Variants in CASC3 observed in about 807,000 individuals in gnomAD.
CASC3 encodes the protein CASC3 exon junction complex subunit, also known as protein CASC3.
A neutral mutation model predicts 80.5 loss-of-function variants in CASC3; 30 were observed. The ratio of observed to expected loss-of-function variants is 0.37; its 90% confidence interval spans 0.28 to 0.51. The LOEUF is 0.51. Among genes scored for constraint, CASC3 ranks in the 20% least tolerant of loss-of-function variants. The probability of loss-of-function intolerance (pLI) is 0.94; values close to 1 mark genes in which losing one functional copy is unlikely to be tolerated. For missense variants in CASC3, 824 were observed against 922.2 expected, an observed-to-expected ratio of 0.89 and a Z score of 1.38; for synonymous variants, 312 against 333.6, an observed-to-expected ratio of 0.94 and a Z score of 0.70.
intron 3 of CASC3, among the ~76,000 whole-genome samples, chr17:40,143,096 A>AT (rs1468986301): frequency 1.3e-5 from 2 of 151,298 alleles, no homozygotes; most frequent in Non-Finnish European, 2.9e-5. Flanking sequence ...CAAAAAAAAA[A>AT]AAATAAATAA....
Position 40,167,923 on chromosome 17 carries a change from G to C in CASC3, c.1725G>C (p.Gln575His). The stretch of plus-strand genomic sequence containing the variant: ...TGCCTCCACAGGGCATGCTTGTGCA[G>C]CCAGGAATGAACCTTCCCCACCCAG... Reference protein sequence around the residue: ...APLPPQGMLVQPGMNLPHPGL... With the variant: ...APLPPQGMLVHPGMNLPHPGL... Residue 575 changes from glutamine (Q) to histidine (H), a missense_variant, in exon 10 of 14, where the codon CAG becomes CAC. Physicochemically the swap from Gln to His is conservative, Grantham distance 24. Around this residue, in one of 3 missense-constraint regions of CASC3, gnomAD observed 464 missense variants for 506.0 expected, o/e 0.92. Coordinates refer to ENST00000264645, the MANE Select transcript of CASC3 (RefSeq NM_007359.5). The C allele has an allele frequency of 6.2e-7, 1 of 1,614,130 alleles. No individual in the cohort carries two copies. Among genetic ancestry groups the C allele is most frequent in the South Asian group, 1.1e-5 (1 of 91,086 alleles).
chr17:40,163,454 A>G, intron 6 of CASC3, 27 bp from the exon 7 acceptor site: 1 of 1,580,442 alleles, frequency 6.3e-7, no homozygotes, highest in Non-Finnish European at 8.6e-7. Flanking sequence ...TAATTTCCTA[A>G]CAGTTTCTTC....
At chr17:40,167,255 G>T (rs932960661) in intron 8 of CASC3, 4 of 554,752 alleles carry the variant, frequency 7.2e-6, no homozygotes, top group Non-Finnish European at 1.3e-5. Context: ...CACCACGCCC[G>T]GCCAAGATAA....
At chr17:40,166,408 C>T (rs1394856445) in intron 7 of CASC3, among the ~76,000 whole-genome samples, 1 of 152,230 alleles carries the variant, frequency 6.6e-6, no homozygotes, top group Non-Finnish European at 1.5e-5. Context: ...ATTTACAAAG[C>T]ATCCCTCCCT....
chr17:40,152,090 C>T (rs9909777), intron 3 of CASC3, among the ~76,000 whole-genome samples: 12,749 of 152,112 alleles, frequency 0.084, 1,267 homozygotes, highest in African/African-American at 0.24. Context: ...ATGAGAACAC[C>T]GAAGAGCTAC....
rs1226223976 is a variant in CASC3 at position 40,170,781 on chromosome 17, G to A, written c.*376G>A. On this transcript the variant is annotated 3_prime_UTR_variant, in exon 14 of 14. Transcript: ENST00000264645. ...AAGGAAGCTCCTTCCTGTTTGTTTTGTTTTCTAAGATGTTCATTTTTAAAG... is the reference window on the plus strand; with the variant it reads ...AAGGAAGCTCCTTCCTGTTTGTTTTATTTTCTAAGATGTTCATTTTTAAAG... 2.0e-6 allele frequency: 2 copies of A among 985,156 alleles called. No homozygotes were observed. The highest frequency in any genetic ancestry group is 2.4e-6 in the Non-Finnish European group (2 of 829,788). The allele number at this position is 985,156 out of a possible 1,614,324, so 61.0% of individuals were successfully genotyped here.
Position 40,169,311 on chromosome 17 carries a change from T to C in CASC3, c.1966-13T>C. ...TTCCTAACTTTTTCTTCTCCTGGCT[T>C]GTGGGGTCCCAGGCCCCATCACAGG... is the stretch of plus-strand genomic sequence containing the variant. On this transcript the variant is annotated splice_polypyrimidine_tract_variant and intron_variant, in intron 11 of 13. Coordinates refer to ENST00000264645, the MANE Select transcript of CASC3 (RefSeq NM_007359.5). 6.5e-7 allele frequency: 1 copy of C among 1,538,840 alleles called. No individual in the cohort carries two copies. The highest frequency in any genetic ancestry group is 1.2e-5 in the South Asian group (1 of 81,138).
At chr17:40,157,200 C>T (rs1989169104) in intron 3 of CASC3, among the ~76,000 whole-genome samples, 1 of 151,702 alleles carries the variant, frequency 6.6e-6, no homozygotes, top group African/African-American at 2.4e-5. Context: ...AAAAAATTAG[C>T]CAGGTTTGGT....
chr17:40,163,911 C>G lies in CASC3; in HGVS notation c.1216C>G (p.Arg406Gly), dbSNP rs777883693. 1 of 1,613,900 alleles carries G rather than the reference C, an allele frequency of 6.2e-7. No individual in the cohort carries two copies. The highest frequency in any genetic ancestry group is 1.1e-5 in the South Asian group (1 of 91,082). ...GCCCATTGAGAAGAAATCCTATTCC[C>G]GGGCAAGAAGAACTCGAACCAAAGT... ...DRPIEKKSYS[R>G]ARRTRTKVGD... Residue 406 changes from arginine (R) to glycine (G), a missense_variant, in exon 7 of 14, where the codon CGG becomes GGG. Physicochemically the swap from Arg to Gly is moderately radical, Grantham distance 125. This residue lies in a region of CASC3 where 464 missense variants were observed against 506.0 expected (regional missense o/e 0.92). Coordinates refer to ENST00000264645, the MANE Select transcript of CASC3 (RefSeq NM_007359.5).
chr17:40,163,427 G>C, intron 6 of CASC3, 54 bp from the exon 7 acceptor site: 1 of 1,501,222 alleles, frequency 6.7e-7, no homozygotes, highest in African/African-American at 1.4e-5. Flanking sequence ...GAGCCACCGC[G>C]CGTAGCCTCC....
chr17:40,142,672 A>G lies in CASC3; in HGVS notation c.297+1065A>G, dbSNP rs138588320. 1.6e-4 allele frequency among the ~76,000 whole-genome samples: 24 copies of G among 152,152 alleles called. No individual in the cohort carries two copies. The East Asian group carries it at 4.4e-3, about 28-fold the overall frequency. Reference sequence around the variant, plus strand: ...GTGAGGCCCAGGCGGGCGGATCACGAGGTCAGGAGATCGAAACCGTCCTGG... The same window carrying G: ...GTGAGGCCCAGGCGGGCGGATCACGGGGTCAGGAGATCGAAACCGTCCTGG... On this transcript the variant is annotated intron_variant, in intron 3 of 13. Transcript: ENST00000264645.
chr17:40,141,438 G>A lies in CASC3; in HGVS notation c.260-132G>A, dbSNP rs1267145722. 1.3e-5 allele frequency: 11 copies of A among 868,926 alleles called. No individual in the cohort carries two copies. The East Asian group carries it at 2.7e-4, about 21-fold the overall frequency. The allele number at this position is 868,926 out of a possible 1,614,324, so 53.8% of individuals were successfully genotyped here. ...TCTGAGCCTGTTTCTCCTTTTGTAA[G>A]TGGGGACTATAATTTTATCCACGTT... On this transcript the variant is annotated intron_variant, in intron 2 of 13. Transcript: ENST00000264645.
chr17:40,146,432 CTTTTTTT>C (rs761549032), intron 3 of CASC3, among the ~76,000 whole-genome samples: 5 of 134,954 alleles, frequency 3.7e-5, no homozygotes, highest in South Asian at 4.8e-4. Flanking sequence ...AGTACGATTT[CTTTTTTT>C]TTTTTTTTTT....
chr17:40,163,289 C>T (rs1018884023), intron 6 of CASC3, among the ~76,000 whole-genome samples, 192 bp from the exon 7 acceptor site: 4 of 152,012 alleles, frequency 2.6e-5, no homozygotes, highest in Admixed American at 2.0e-4. Flanking sequence ...CGCGTACTAT[C>T]GCGATCGGCT....
intron 1 of CASC3, 191 bp from the exon 2 acceptor site, chr17:40,141,016 T>C: frequency 1.6e-6 from 1 of 641,080 alleles, no homozygotes; most frequent in Non-Finnish European, 2.7e-6. Flanking sequence ...GCGGATGTTT[T>C]ATTCAGAAGT....
At chr17:40,159,917 T>C (rs1055593757) in intron 3 of CASC3, among the ~76,000 whole-genome samples, 2 of 151,876 alleles carry the variant, frequency 1.3e-5, no homozygotes, top group Non-Finnish European at 2.9e-5. Context: ...GGTTTCACCA[T>C]GTTGGCCAGG....
rs914022571 is a variant in CASC3 at position 40,169,259 on chromosome 17, C to T, written c.1966-65C>T. Reference sequence around the variant, plus strand: ...TTCTCTTATGGCTGAATAATATTTCCTGTTCATCATAGGTTGGATGAATTC... The same window carrying T: ...TTCTCTTATGGCTGAATAATATTTCTTGTTCATCATAGGTTGGATGAATTC... On this transcript the variant is annotated intron_variant, in intron 11 of 13. Coordinates refer to ENST00000264645, the MANE Select transcript of CASC3 (RefSeq NM_007359.5). The T allele has an allele frequency of 1.1e-5, 15 of 1,393,342 alleles. No homozygotes were observed. The Middle Eastern group carries it at 5.9e-4, about 55-fold the overall frequency. 86.3% of individuals were successfully genotyped at this position (1,393,342 alleles called of 1,614,324 possible).
At position 40,172,018 on chromosome 17, in the gene CASC3, T is replaced by G. The variant is rs907308165; in HGVS notation, c.*1613T>G. ...GGCAGCATGCCCAGATTCCCAGACC[T>G]TAAGACACTGTGAGAGTTGTCTCTG... On this transcript the variant is annotated 3_prime_UTR_variant, in exon 14 of 14. Transcript: ENST00000264645. 1 of 1,289,890 alleles carries G rather than the reference T, an allele frequency of 7.8e-7. No homozygotes were observed. Among genetic ancestry groups the G allele is most frequent in the Non-Finnish European group, 1.0e-6 (1 of 988,884 alleles). The allele number at this position is 1,289,890 out of a possible 1,614,324, so 79.9% of individuals were successfully genotyped here.
chr17:40,151,785 G>C (rs1199369999), intron 3 of CASC3, among the ~76,000 whole-genome samples: 4 of 151,332 alleles, frequency 2.6e-5, no homozygotes, highest in Non-Finnish European at 4.4e-5. Flanking sequence ...TTCTGTCTCT[G>C]TTGATTTTCC....
Sources: allele counts gnomAD v4.1 joint callset (sites outside exome capture counted in the v4.1 genomes callset), GRCh38; gene constraint gnomAD v4.1.1; regional missense constraint gnomAD v4.1.1; transcripts MANE v1.5; gene names NCBI Gene and HGNC (gene_info 2026-07-23, HGNC 2026-07-21).